The following ESYT1 variants were observed in gnomAD, a reference collection of about 807,000 sequenced individuals.
ESYT1 encodes extended synaptotagmin-1.
In ESYT1, 116 loss-of-function variants were observed where a neutral mutation model predicts 154.2. The observed-to-expected ratio is 0.75, with a 90% CI of 0.65 to 0.88. The LOEUF (loss-of-function observed/expected upper bound fraction) is 0.88. ESYT1 is among the 40% of genes least tolerant of loss of function. The pLI is 0.00. For missense variants in ESYT1, 1,264 were observed against 1,379.3 expected (o/e 0.92, Z 1.32); for synonymous variants, 500 against 539.9 (o/e 0.93, Z 1.02).
intron 7 of ESYT1, 75 bp from the exon 8 acceptor site, chr12:56,132,134 G>A (rs1870259921): frequency 1.2e-6 from 2 of 1,608,228 alleles, no homozygotes; most frequent in Non-Finnish European, 1.7e-6. Context: ...TCTCTTGGGT[G>A]TGGGAAACAT....
chr12:56,136,152 A>G (rs1183304753), intron 15 of ESYT1, among the ~76,000 whole-genome samples: 1 of 151,420 alleles, frequency 6.6e-6, no homozygotes, highest in African/African-American at 2.4e-5. Context: ...AGGACTAAGG[A>G]GGGTCAGAGA....
intron 6 of ESYT1, 29 bp from the exon 7 acceptor site, chr12:56,131,720 C>A (rs1478211025): frequency 1.2e-6 from 2 of 1,613,732 alleles, no homozygotes; most frequent in Admixed American, 3.3e-5. Context: ...CCCATAGGAT[C>A]TGTCCTGACC....
chr12:56,137,547 G>C lies in ESYT1; in HGVS notation c.1987G>C (p.Asp663His), dbSNP rs760189557. 1 of 1,614,152 alleles carries C rather than the reference G, an allele frequency of 6.2e-7. No homozygotes were observed. Among genetic ancestry groups the C allele is most frequent in the Non-Finnish European group, 8.5e-7 (1 of 1,180,036 alleles). ...VLEAQDLIAK[D>H]RFLGGLVKGK... is the part of the protein sequence containing the mutation. ...AGAGGCCCAGGACCTGATTGCCAAA[G>C]ACCGTTTCTTGGGGGGACTGGTGAA... Residue 663 changes from aspartate to histidine, a missense_variant, in exon 18 of 31, where the codon GAC becomes CAC. Coordinates refer to ENST00000394048, the MANE Select transcript of ESYT1 (RefSeq NM_015292.3).
chr12:56,139,871 A>C (rs1313892580), intron 24 of ESYT1, among the ~76,000 whole-genome samples: 2 of 150,858 alleles, frequency 1.3e-5, no homozygotes, highest in East Asian at 3.9e-4. Flanking sequence ...TATAGGTGTG[A>C]GCCACTGCAC....
At chr12:56,140,759 T>C (rs899349232) in intron 24 of ESYT1, among the ~76,000 whole-genome samples, 10 of 152,080 alleles carry the variant, frequency 6.6e-5, no homozygotes, top group Non-Finnish European at 4.4e-5. Context: ...GGGACAACAC[T>C]GGGGGCAGGG....
At chr12:56,139,048 T>C (rs771741335) in intron 24 of ESYT1, 35 bp downstream of exon 24, 1 of 1,537,024 alleles carries the variant, frequency 6.5e-7, no homozygotes. Flanking sequence ...ATTTAGCAGA[T>C]TTCTGCCATG....
Position 56,130,652 on chromosome 12 carries a change from A to G in ESYT1, c.432+29A>G, listed in dbSNP as rs373600988. ...AGGATTGATTTGATTTTTAGTCTTC[A>G]TGAGGGGAGAATGGGAATTTGTTTC... On this transcript the variant is annotated intron_variant, in intron 2 of 30. Transcript: ENST00000394048. 11 of 1,613,986 alleles carry G rather than the reference A, an allele frequency of 6.8e-6. No individual in the cohort carries two copies. In the Admixed American group the frequency reaches 8.3e-5, roughly 12 times the overall value.
At chr12:56,137,454 G>GTC in intron 17 of ESYT1, 45 bp from the exon 18 acceptor site, 10 of 1,609,320 alleles carry the variant, frequency 6.2e-6, no homozygotes, top group Non-Finnish European at 8.5e-6. Context: ...ATTCTGACAG[G>GTC]TCTCTCTCCC....
chr12:56,138,223 T>G lies in ESYT1; in HGVS notation c.2288T>G (p.Leu763Trp). 3.7e-6 allele frequency: 6 copies of G among 1,614,164 alleles called. No individual in the cohort carries two copies. The highest frequency in any genetic ancestry group is 5.1e-6 in the Non-Finnish European group (6 of 1,180,024). The change falls in exon 21 of 31, where the codon TTG (leucine) becomes TGG (tryptophan). Residue 763 changes from leucine (L) to tryptophan (W), a missense_variant. Leu to Trp is a moderately conservative substitution (Grantham distance 61). Coordinates refer to ENST00000394048, the MANE Select transcript of ESYT1 (RefSeq NM_015292.3). ...LEDVPSGRLH[L>W]RLERLTPRPT... ...GATGTCCCATCTGGCCGCCTGCACT[T>G]GCGCCTGGAGCGTCTCACCCCCCGT...
In ESYT1 at chr12:56,142,604, G is replaced by A. The variant is rs759750486; in HGVS notation, c.2760G>A (p.Val920=). ...LGILVSQHSG[V]EAHSHSYSHS... is the part of the protein sequence containing the mutation. The stretch of plus-strand genomic sequence containing the variant: ...TCCTGGTGTCCCAGCACTCGGGAGT[G>A]GAAGCTCATAGCCACAGCTACAGCC... The change falls in exon 26 of 31, where the codon GTG becomes GTA. Residue 920 remains valine (V), a synonymous_variant. Coordinates refer to ENST00000394048, the MANE Select transcript of ESYT1 (RefSeq NM_015292.3). The surrounding 1 kb of genome is among the most constrained non-coding windows in gnomAD (Gnocchi z 4.1). The A allele has an allele frequency of 2.0e-5, 33 of 1,613,994 alleles. No individual in the cohort carries two copies. Among genetic ancestry groups the A allele is most frequent in the Non-Finnish European group, 2.8e-5 (33 of 1,180,046 alleles).
rs1025273605 is a variant in ESYT1, at chr12:56,131,165, T to G, written c.641+52T>G. The G allele has an allele frequency of 4.3e-6, 7 of 1,613,076 alleles. No homozygotes were observed. In the Admixed American group the frequency reaches 8.3e-5, roughly 19 times the overall value. ...TTCCCCTTCAATGTGTCCTGTTCAG[T>G]CCAGGCTACTTCACTCCCCCTCCCC... On this transcript the variant is annotated intron_variant, in intron 4 of 30. Transcript: ENST00000394048.
At position 56,142,658 on chromosome 12, in the gene ESYT1, A is replaced by G; in HGVS notation, c.2814A>G (p.Pro938=). ...GCTCCTCATCGCTGAGTGAAGAACC[A>G]GAGCTCTCGGGGGGACCCCCTCACA... ...SHSSSSLSEE[P]ELSGGPPHIT... Residue 938 remains proline (P), a synonymous_variant, in exon 26 of 31, where the codon CCA becomes CCG. Coordinates refer to ENST00000394048, the MANE Select transcript of ESYT1 (RefSeq NM_015292.3). This position sits in a 1 kb window ranked among gnomAD's most constrained non-coding sequence, Gnocchi z 4.1. 1 of 1,614,046 alleles carries G rather than the reference A, an allele frequency of 6.2e-7. No homozygotes were observed. Among genetic ancestry groups the G allele is most frequent in the Non-Finnish European group, 8.5e-7 (1 of 1,180,018 alleles).
chr12:56,138,235 G>A lies in ESYT1; in HGVS notation c.2300G>A (p.Arg767His), dbSNP rs766342299. ...PSGRLHLRLE[R>H]LTPRPTAAEL... ...GGCCGCCTGCACTTGCGCCTGGAGC[G>A]TCTCACCCCCCGTCCCACTGCTGCT... Residue 767 changes from arginine to histidine, a missense_variant, in exon 21 of 31, where the codon CGT becomes CAT. Arg to His is a conservative substitution (Grantham distance 29). Transcript: ENST00000394048. 13 of 1,614,070 alleles carry A rather than the reference G, an allele frequency of 8.1e-6. 1 individual carries two copies. The highest frequency in any genetic ancestry group is 6.6e-5 in the South Asian group (6 of 91,084).
In ESYT1 at chr12:56,134,402, C is replaced by T. The variant is rs766780577; in HGVS notation, c.1606C>T (p.Pro536Ser). The change falls in exon 15 of 31, where the codon CCT (proline) becomes TCT (serine). Residue 536 changes from proline (P) to serine (S), a missense_variant. Transcript: ENST00000394048. ...AGCGTTCCGGTTCTTCCTACAAGACCCTCAAAGCCAGGAGCTCGATGTGCA... is the reference window on the plus strand; with the variant it reads ...AGCGTTCCGGTTCTTCCTACAAGACTCTCAAAGCCAGGAGCTCGATGTGCA... ...EEAFRFFLQD[P>S]QSQELDVQVK... is the part of the protein sequence containing the mutation. 1.2e-6 allele frequency: 2 copies of T among 1,614,086 alleles called. No individual in the cohort carries two copies. The highest frequency in any genetic ancestry group is 2.7e-5 in the African/African-American group (2 of 75,010).
At chr12:56,133,273 A>T (rs1195921749) in intron 10 of ESYT1, 144 bp from the exon 11 acceptor site, 3 of 801,468 alleles carry the variant, frequency 3.7e-6, no homozygotes, top group Middle Eastern at 2.6e-4. Context: ...TCACGCATGC[A>T]GGTGAATATC....
chr12:56,134,879 A>C (rs1870387493), intron 15 of ESYT1, among the ~76,000 whole-genome samples: 1 of 152,052 alleles, frequency 6.6e-6, no homozygotes, highest in Admixed American at 6.5e-5. Flanking sequence ...GATTATAGGC[A>C]TGAGCCACTG....
At chr12:56,138,380 C>G (rs759328111) in intron 21 of ESYT1, 24 bp from the exon 22 acceptor site, 8 of 1,612,710 alleles carry the variant, frequency 5.0e-6, no homozygotes, top group Non-Finnish European at 6.8e-6. Flanking sequence ...TTACCACTCC[C>G]CAGCCCCGTG....
Position 56,133,884 on chromosome 12 carries a change from C to A in ESYT1, c.1473+11C>A. The A allele has an allele frequency of 6.2e-7, 1 of 1,613,440 alleles. No homozygotes were observed. The highest frequency in any genetic ancestry group is 1.1e-5 in the South Asian group (1 of 91,066). On this transcript the variant is annotated intron_variant, in intron 13 of 30. Coordinates refer to ENST00000394048, the MANE Select transcript of ESYT1 (RefSeq NM_015292.3). Reference sequence around the variant, plus strand: ...GCCCAGGATCTTCCTGTGAGTTTGGCTGGGTGAACAGGAGCCCTGGATGTA... The same window carrying A: ...GCCCAGGATCTTCCTGTGAGTTTGGATGGGTGAACAGGAGCCCTGGATGTA...
chr12:56,137,837 C>T lies in ESYT1; in HGVS notation c.2121C>T (p.Ile707=), dbSNP rs35807059. 5,677 of 1,614,076 alleles carry T rather than the reference C, an allele frequency of 3.5e-3. 149 individuals are homozygous for T. In the African/African-American group the frequency reaches 0.064, roughly 18 times the overall value. ...GCACTATTTTCTCCCACTAGGTGAT[C>T]GTCACATCAGTTCCAGGCCAAGAGC... ...NPRWNEVFEV[I]VTSVPGQELE... is the part of the protein sequence containing the mutation. The change falls in exon 19 of 31, where the codon ATC becomes ATT. Residue 707 remains isoleucine (I), a synonymous_variant. Coordinates refer to ENST00000394048, the MANE Select transcript of ESYT1 (RefSeq NM_015292.3).
Sources: allele counts gnomAD v4.1 joint callset (sites outside exome capture counted in the v4.1 genomes callset), GRCh38; gene constraint gnomAD v4.1.1; non-coding constraint Gnocchi (gnomAD v3.1); transcripts MANE v1.5; gene names NCBI Gene and HGNC (gene_info 2026-07-23, HGNC 2026-07-21).